SLC7A1: variants seen among roughly 807,000 people sequenced by gnomAD.
The protein encoded by SLC7A1 is solute carrier family 7 member 1, also known as high affinity cationic amino acid transporter 1.
Under a neutral mutation model 53.9 loss-of-function variants are expected in SLC7A1, and 10 were observed. The observed-to-expected ratio is 0.19, with a 90% CI of 0.11 to 0.31. SLC7A1 has a LOEUF of 0.31. Among genes scored for constraint, SLC7A1 ranks in the 10% least tolerant of loss-of-function variants. The pLI is 1.00. For missense variants in SLC7A1, 525 were observed against 827.2 expected (o/e 0.63, Z 4.48); for synonymous variants, 342 against 338.7 (o/e 1.01, Z -0.11).
At chr13:29,553,136 C>T (rs531687877) in intron 2 of SLC7A1, among the ~76,000 whole-genome samples, 5 of 152,228 alleles carry the variant, frequency 3.3e-5, no homozygotes, top group East Asian at 1.9e-4. Flanking sequence ...AAACCAAGAA[C>T]GAGTTACAGC....
intron 2 of SLC7A1, among the ~76,000 whole-genome samples, chr13:29,546,252 G>GGCACTGCAT (rs1555291850): frequency 2.0e-5 from 3 of 152,176 alleles, no homozygotes; most frequent in Non-Finnish European, 4.4e-5. Context: ...GTTCCCTGCC[G>GGCACTGCAT]GCACTGCATT....
chr13:29,536,092 T>G lies in SLC7A1; in HGVS notation c.97A>C (p.Asn33His). ...REETRLSRCLNTFDLVALGVG... is the reference protein window; with the variant it reads ...REETRLSRCLHTFDLVALGVG... ...CCGAGGGCCACCAGATCAAAAGTGT[T>G]CAGGCAGCGAGACAGCCGCGTCTCC... is the stretch of plus-strand genomic sequence containing the variant. Residue 33 changes from asparagine (N) to histidine (H), a missense_variant, in exon 3 of 13, where the codon AAC (asparagine) becomes CAC (histidine). By Grantham distance (68) the Asn-to-His change is moderately conservative. Around this residue, in one of 4 missense-constraint regions of SLC7A1, gnomAD observed 354 missense variants for 587.5 expected, o/e 0.60. Transcript: ENST00000380752. 5 of 1,613,950 alleles carry G rather than the reference T, an allele frequency of 3.1e-6. No homozygotes were observed. The highest frequency in any genetic ancestry group is 4.2e-6 in the Non-Finnish European group (5 of 1,180,034).
intron 2 of SLC7A1, among the ~76,000 whole-genome samples, chr13:29,544,251 C>T (rs906010181): frequency 7.9e-5 from 12 of 152,290 alleles, no homozygotes; most frequent in African/African-American, 2.9e-4. Context: ...TCCAAAAGAA[C>T]ATAATATAAT....
At chr13:29,534,803 A>AG (rs1250238536) in intron 3 of SLC7A1, among the ~76,000 whole-genome samples, 2 of 40,574 alleles carry the variant, frequency 4.9e-5, no homozygotes, top group East Asian at 2.2e-4. Flanking sequence ...AAAAAGTTTG[A>AG]GAAAAAAAAA....
chr13:29,575,808 G>T (rs1024692471), intron 1 of SLC7A1, among the ~76,000 whole-genome samples: 9 of 152,164 alleles, frequency 5.9e-5, no homozygotes, highest in Non-Finnish European at 1.3e-4. Flanking sequence ...CTGTTTGAGG[G>T]ACATGAGTGC....
At chr13:29,567,076 G>C (rs1349349698) in intron 1 of SLC7A1, among the ~76,000 whole-genome samples, 1 of 152,168 alleles carries the variant, frequency 6.6e-6, no homozygotes, top group Non-Finnish European at 1.5e-5. Context: ...GGTGAAATTA[G>C]CTCCTATTTG....
chr13:29,517,101 G>A (rs1883579098), intron 11 of SLC7A1, 43 bp downstream of exon 11: 2 of 1,524,056 alleles, frequency 1.3e-6, no homozygotes, highest in East Asian at 4.6e-5. Context: ...AGGAGGGCCA[G>A]GGTCTGTGTA....
Position 29,535,894 on chromosome 13 carries a change from G to A in SLC7A1, c.295C>T (p.Leu99Phe). The A allele has an allele frequency of 6.2e-7, 1 of 1,614,220 alleles. No individual in the cohort carries two copies. Among genetic ancestry groups the A allele is most frequent in the Non-Finnish European group, 8.5e-7 (1 of 1,180,044 alleles). Reference sequence around the variant, plus strand: ...TCTCCAACGGTGACATAGCTGTAGAGGTAAGCTGAGCCCGTCTTGGGGACC... The same window carrying A: ...TCTCCAACGGTGACATAGCTGTAGAAGTAAGCTGAGCCCGTCTTGGGGACC... ...ARVPKTGSAY[L>F]YSYVTVGELW... The change falls in exon 3 of 13, where the codon CTC becomes TTC. Residue 99 changes from leucine to phenylalanine, a missense_variant. Physicochemically the swap from Leu to Phe is conservative, Grantham distance 22. Coordinates refer to ENST00000380752, the MANE Select transcript of SLC7A1 (RefSeq NM_003045.5).
intron 5 of SLC7A1, among the ~76,000 whole-genome samples, chr13:29,525,089 G>A (rs1868823867): frequency 6.6e-6 from 1 of 152,202 alleles, no homozygotes; most frequent in African/African-American, 2.4e-5. Flanking sequence ...TGTGTTCTGG[G>A]GGTGCACCAT....
Position 29,523,224 on chromosome 13 carries a change from G to T in SLC7A1, c.1049+42C>A, listed in dbSNP as rs146516008. The T allele has an allele frequency of 2.5e-4, 378 of 1,535,114 alleles. 2 individuals carry two copies. In the East Asian group the frequency reaches 8.2e-3, roughly 33 times the overall value. Reference sequence around the variant, plus strand: ...CTGCTATAGCCTAACCCCTGCTGGTGGTTCCACCCCTAGGAGCAGCCACCA... The same window carrying T: ...CTGCTATAGCCTAACCCCTGCTGGTTGTTCCACCCCTAGGAGCAGCCACCA... On this transcript the variant is annotated intron_variant, in intron 7 of 12. Coordinates refer to ENST00000380752, the MANE Select transcript of SLC7A1 (RefSeq NM_003045.5).
At chr13:29,560,026 A>G (rs1649788299) in intron 1 of SLC7A1, among the ~76,000 whole-genome samples, 1 of 152,108 alleles carries the variant, frequency 6.6e-6, no homozygotes, top group Admixed American at 6.5e-5. Context: ...TTTTTTTTAA[A>G]ACTCTTACTT....
At chr13:29,527,232 C>T (rs182506406) in intron 5 of SLC7A1, among the ~76,000 whole-genome samples, 95 of 151,684 alleles carry the variant, frequency 6.3e-4, no homozygotes, top group Non-Finnish European at 1.2e-3. Flanking sequence ...GAAGCTTACA[C>T]ACACACACAC....
In SLC7A1 at chr13:29,512,600, C is replaced by A. The variant is rs930415630; in HGVS notation, c.*1880G>T. ...AGCAAATAACTACCAGGTCCTAAGA[C>A]AAGAGACAACCAAAACCCCAACAAA... On this transcript the variant is annotated 3_prime_UTR_variant, in exon 13 of 13. Transcript: ENST00000380752. 1.3e-5 allele frequency: 2 copies of A among 152,146 alleles called. No individual in the cohort carries two copies. Among genetic ancestry groups the A allele is most frequent in the African/African-American group, 2.4e-5 (1 of 41,446 alleles). 9.4% of individuals were successfully genotyped at this position (152,146 alleles called of 1,614,324 possible).
intron 5 of SLC7A1, among the ~76,000 whole-genome samples, chr13:29,529,600 G>A (rs552979108): frequency 2.6e-5 from 4 of 152,230 alleles, no homozygotes; most frequent in African/African-American, 9.7e-5. Flanking sequence ...GATGGAGCAA[G>A]ACAGAAGATG....
At chr13:29,529,968 C>A (rs552173966) in intron 5 of SLC7A1, among the ~76,000 whole-genome samples, 1 of 152,282 alleles carries the variant, frequency 6.6e-6, no homozygotes, top group African/African-American at 2.4e-5. Context: ...GTGTCAGAGA[C>A]ATGAGGGTGA....
At chr13:29,549,825 C>G (rs1870093360) in intron 2 of SLC7A1, among the ~76,000 whole-genome samples, 2 of 152,118 alleles carry the variant, frequency 1.3e-5, no homozygotes, top group Non-Finnish European at 2.9e-5. Flanking sequence ...TCACCACACC[C>G]AGTTAATTTT....
chr13:29,509,835 G>A lies in SLC7A1; in HGVS notation c.*4645C>T, dbSNP rs1335438846. On this transcript the variant is annotated 3_prime_UTR_variant, in exon 13 of 13. Transcript: ENST00000380752. The stretch of plus-strand genomic sequence containing the variant: ...GGAGAAACCACAGCTATTCAGGTTT[G>A]ATAATAAACCAACCCTCATTGGTAT... 17 of 152,552 alleles carry A rather than the reference G, an allele frequency of 1.1e-4. No homozygotes were observed. Among genetic ancestry groups the A allele is most frequent in the Admixed American group, 1.1e-3 (17 of 15,278 alleles). The allele number at this position is 152,552 out of a possible 1,614,324, so 9.4% of individuals were successfully genotyped here. A position where few individuals can be genotyped will look rare whatever the true frequency, so the allele number is the denominator to read the frequency against.
intron 1 of SLC7A1, among the ~76,000 whole-genome samples, chr13:29,576,318 C>T (rs1265956863): frequency 1.0e-5 from 1 of 96,630 alleles, no homozygotes; most frequent in Non-Finnish European, 2.1e-5. Context: ...GGAAAGAAAA[C>T]AAAAGAAATT....
intron 2 of SLC7A1, among the ~76,000 whole-genome samples, chr13:29,538,821 C>T (rs1489581693): frequency 6.6e-6 from 1 of 152,192 alleles, no homozygotes; most frequent in Non-Finnish European, 1.5e-5. Context: ...GCTGCGAAGT[C>T]ACTTCTCAAT....
Sources: gnomAD v4.1 joint callset for allele counts (sites outside exome capture counted in the v4.1 genomes callset) on GRCh38, gnomAD v4.1.1 for gene constraint, gnomAD v4.1.1 regional missense constraint, MANE v1.5 for transcripts, NCBI Gene and HGNC (gene_info 2026-07-23, HGNC 2026-07-21) for gene names.